Variants in ADGRL2 observed in about 807,000 individuals in gnomAD.
ADGRL2 encodes adhesion G protein-coupled receptor L2.
In ADGRL2, 44 loss-of-function variants were observed where a neutral mutation model predicts 157.4. The ratio of observed to expected loss-of-function variants is 0.28; its 90% CI spans 0.22 to 0.36. The LOEUF (loss-of-function observed/expected upper bound fraction) is 0.36, where lower values mean the gene tolerates loss of function less well. ADGRL2 is among the 10% of genes least tolerant of loss of function. ADGRL2 has a pLI of 1.00. For synonymous variants in ADGRL2, 585 were observed against 624.7 expected (o/e 0.94, Z 0.95); for missense variants, 1,510 against 1,768.9 (o/e 0.85, Z 2.63).
chr1:81,408,956 G>C (rs943173668), intron 1 of ADGRL2, among the ~76,000 whole-genome samples: 5 of 152,180 alleles, frequency 3.3e-5, no homozygotes, highest in Non-Finnish European at 5.9e-5. Context: ...GACTTAAACT[G>C]TTTTCAAATG....
At chr1:81,538,702 T>C (rs2079805528) in intron 2 of ADGRL2, among the ~76,000 whole-genome samples, 1 of 151,990 alleles carries the variant, frequency 6.6e-6, no homozygotes, top group East Asian at 1.9e-4. Flanking sequence ...TCAGTAAAAT[T>C]TGGAATAAGA....
At chr1:81,880,149 C>A (rs2093950033) in intron 2 of ADGRL2, among the ~76,000 whole-genome samples, 1 of 152,146 alleles carries the variant, frequency 6.6e-6, no homozygotes, top group Admixed American at 6.5e-5. Flanking sequence ...AAGCGATGTC[C>A]TACTGTGTTG....
At chr1:81,681,594 T>C (rs1003124369) in intron 3 of ADGRL2, among the ~76,000 whole-genome samples, 6 of 152,214 alleles carry the variant, frequency 3.9e-5, no homozygotes, top group African/African-American at 1.4e-4. Flanking sequence ...AAGTTTGCTT[T>C]TACACAGAGC....
chr1:81,946,726 C>A (rs1649987454), intron 6 of ADGRL2, among the ~76,000 whole-genome samples: 1 of 152,020 alleles, frequency 6.6e-6, no homozygotes, highest in Non-Finnish European at 1.5e-5. Flanking sequence ...CCGGAAATAC[C>A]TTTTCACTGA....
chr1:81,722,836 T>A (rs1469809441), intron 1 of ADGRL2: 2 of 706,326 alleles, frequency 2.8e-6, no homozygotes, highest in Non-Finnish European at 5.1e-6. Context: ...TCCAGGTGGC[T>A]TTCCTGGGGG....
At chr1:81,531,179 TTAAAGAAGATATTCTGA>T (rs1396932512) in intron 2 of ADGRL2, among the ~76,000 whole-genome samples, 1 of 152,048 alleles carries the variant, frequency 6.6e-6, no homozygotes, top group African/African-American at 2.4e-5. Context: ...GAAAGAAACT[TTAAAGAAGATATTCTGA>T]TAATCCACAT....
intron 3 of ADGRL2, among the ~76,000 whole-genome samples, chr1:81,615,374 T>C (rs2081622289): frequency 6.6e-6 from 1 of 152,220 alleles, no homozygotes; most frequent in African/African-American, 2.4e-5. Flanking sequence ...TGTGGAAGCT[T>C]TGTTCTTTCG....
intron 1 of ADGRL2, among the ~76,000 whole-genome samples, chr1:81,331,675 T>C (rs1015664572): frequency 6.6e-6 from 1 of 152,166 alleles, no homozygotes; most frequent in Non-Finnish European, 1.5e-5. Context: ...AAGAGGTACA[T>C]ATATTTGACA....
rs147996725 is a variant in ADGRL2, at chr1:81,832,688, C to T, written c.-100-4197C>T. Among the ~76,000 whole-genome samples the T allele has an allele frequency of 5.8e-4, 88 of 152,290 alleles. No individual in the cohort carries two copies. The East Asian group carries it at 0.016, about 27-fold the overall frequency. ...GAGGGTGGTGACTAGTGGCTGGCCA[C>T]GTGGTTTTAAAATCTCTGTGAGCAT... is the stretch of plus-strand genomic sequence containing the variant. On this transcript the variant is annotated intron_variant, in intron 1 of 23. Transcript: ENST00000686636.
At chr1:81,624,018 T>G (rs1181224562) in intron 3 of ADGRL2, among the ~76,000 whole-genome samples, 1 of 152,030 alleles carries the variant, frequency 6.6e-6, no homozygotes, top group African/African-American at 2.4e-5. Flanking sequence ...CACGTGAGGA[T>G]GGAGGCAAAG....
chr1:81,926,599 T>A (rs2095112894), intron 3 of ADGRL2, among the ~76,000 whole-genome samples: 1 of 152,042 alleles, frequency 6.6e-6, no homozygotes, highest in Non-Finnish European at 1.5e-5. Flanking sequence ...GGTTGTAATA[T>A]TTTTTGAATT....
intron 1 of ADGRL2, among the ~76,000 whole-genome samples, chr1:81,438,679 TGAAGAAAGG>T (rs2077453495): frequency 6.6e-6 from 1 of 152,178 alleles, no homozygotes; most frequent in Non-Finnish European, 1.5e-5. Flanking sequence ...CATGGTTTTG[TGAAGAAAGG>T]AGTTTGCAGC....
chr1:81,398,537 T>C (rs1023032235), intron 1 of ADGRL2, among the ~76,000 whole-genome samples: 2 of 152,210 alleles, frequency 1.3e-5, no homozygotes, highest in Admixed American at 6.5e-5. Context: ...TCCTCCCATA[T>C]GTAGGACTGT....
intron 10 of ADGRL2, 122 bp from the exon 11 acceptor site, chr1:81,955,755 A>G (rs1653307640): frequency 1.6e-6 from 1 of 613,326 alleles, no homozygotes; most frequent in Non-Finnish European, 2.8e-6. Context: ...GTGTTCTTCC[A>G]TCTTGAAGTA....
chr1:81,904,724 A>G (rs765434738), intron 2 of ADGRL2, among the ~76,000 whole-genome samples: 2 of 152,222 alleles, frequency 1.3e-5, no homozygotes, highest in East Asian at 1.9e-4. Context: ...CCTGGCCAAC[A>G]TGGTGAAACC....
intron 2 of ADGRL2, among the ~76,000 whole-genome samples, chr1:81,448,137 C>CTTTTTTTTTTTTTTTT (rs1168945231): frequency 9.6e-5 from 8 of 83,530 alleles, no homozygotes; most frequent in South Asian, 5.1e-4. Context: ...TTCTTTCTTT[C>CTTTTTTTTTTTTTTTT]TTTTTTTTTT....
At chr1:81,396,104 G>A (rs2076650778) in intron 1 of ADGRL2, among the ~76,000 whole-genome samples, 1 of 152,028 alleles carries the variant, frequency 6.6e-6, no homozygotes, top group South Asian at 2.1e-4. Flanking sequence ...TTGGTTGTAT[G>A]GTCATTTTTA....
intron 1 of ADGRL2, among the ~76,000 whole-genome samples, chr1:81,404,108 T>G (rs1380366380): frequency 6.6e-6 from 1 of 152,190 alleles, no homozygotes; most frequent in Non-Finnish European, 1.5e-5. Flanking sequence ...CTTTGATTTT[T>G]ATCAGAAGAT....
intron 2 of ADGRL2, among the ~76,000 whole-genome samples, chr1:81,550,440 C>G (rs2080118430): frequency 6.6e-6 from 1 of 152,066 alleles, no homozygotes; most frequent in Non-Finnish European, 1.5e-5. Flanking sequence ...TTCTACCAAC[C>G]CAGAGTGCTT....
Sources: allele counts gnomAD v4.1 joint callset (sites outside exome capture counted in the v4.1 genomes callset), GRCh38; gene constraint gnomAD v4.1.1; transcripts MANE v1.5; gene names NCBI Gene and HGNC (gene_info 2026-07-23, HGNC 2026-07-21).